LRMDA: variants seen among roughly 807,000 people sequenced by gnomAD.
LRMDA encodes the protein leucine rich melanocyte differentiation associated.
A neutral mutation model predicts 29.8 loss-of-function variants in LRMDA; 18 were observed. The ratio of observed to expected loss-of-function variants is 0.60; its 90% CI spans 0.42 to 0.90. LRMDA has a LOEUF of 0.90. Ranked by LOEUF, LRMDA falls within the 40% of genes least tolerant of loss-of-function variation. The pLI, the probability that LRMDA is intolerant of heterozygous loss-of-function variation, is 0.00. For synonymous variants in LRMDA, 125 were observed against 109.4 expected (o/e 1.14, Z -0.89); for missense variants, 273 against 273.9 (o/e 1.00, Z 0.02).
At chr10:76,089,534 T>C (rs1473094185) in intron 5 of LRMDA, among the ~76,000 whole-genome samples, 1 of 152,156 alleles carries the variant, frequency 6.6e-6, no homozygotes, top group African/African-American at 2.4e-5. Flanking sequence ...CTGTCTGGCG[T>C]TGGACATAAA....
intron 2 of LRMDA, among the ~76,000 whole-genome samples, chr10:75,708,289 T>C (rs753215858): frequency 6.6e-6 from 1 of 152,216 alleles, no homozygotes; most frequent in African/African-American, 2.4e-5. Flanking sequence ...CTGCTCTCTC[T>C]CTCATAACAC....
At chr10:76,523,799 T>C (rs758545727) in intron 6 of LRMDA, among the ~76,000 whole-genome samples, 25 of 152,186 alleles carry the variant, frequency 1.6e-4, no homozygotes, top group Non-Finnish European at 3.5e-4. Context: ...TTTTTGACGT[T>C]CCTTCCCTGC....
intron 5 of LRMDA, among the ~76,000 whole-genome samples, chr10:76,188,935 TACACACACACACACAC>T (rs3998129): frequency 1.4e-5 from 2 of 141,636 alleles, no homozygotes; most frequent in Admixed American, 7.3e-5. Flanking sequence ...TGATTGCATG[TACACACACACACACAC>T]ACACACACAC....
At chr10:76,515,584 C>A (rs1374792028) in intron 6 of LRMDA, among the ~76,000 whole-genome samples, 1 of 152,096 alleles carries the variant, frequency 6.6e-6, no homozygotes, top group African/African-American at 2.4e-5. Flanking sequence ...TGGTTTACTG[C>A]AACCTCTGCC....
intron 6 of LRMDA, among the ~76,000 whole-genome samples, chr10:76,463,105 G>A (rs1353292241): frequency 6.6e-6 from 1 of 152,178 alleles, no homozygotes; most frequent in Non-Finnish European, 1.5e-5. Context: ...GAGGCTCAGG[G>A]ATGGGTAGTG....
intron 2 of LRMDA, among the ~76,000 whole-genome samples, chr10:75,630,977 G>C (rs1045978471): frequency 6.6e-6 from 1 of 152,098 alleles, no homozygotes; most frequent in Non-Finnish European, 1.5e-5. Context: ...TTCCCTCCTC[G>C]TCCCTCATGT....
intron 2 of LRMDA, 39 bp downstream of exon 2, chr10:75,438,533 G>T (rs1355831323): frequency 4.1e-6 from 6 of 1,477,768 alleles, no homozygotes; most frequent in African/African-American, 1.4e-5. Context: ...GGCCTGGGAG[G>T]CCCAGTCCTC....
chr10:76,304,095 G>T (rs1840518806), intron 5 of LRMDA, among the ~76,000 whole-genome samples: 1 of 152,116 alleles, frequency 6.6e-6, no homozygotes, highest in South Asian at 2.1e-4. Context: ...CTGCACTCCT[G>T]GGGGCTTCAT....
chr10:76,200,340 A>G (rs1170014054), intron 5 of LRMDA, among the ~76,000 whole-genome samples: 1 of 152,224 alleles, frequency 6.6e-6, no homozygotes, highest in Non-Finnish European at 1.5e-5. Flanking sequence ...TAGAAACGTT[A>G]GAGAGTGATT....
chr10:75,482,734 C>T (rs891559234), intron 2 of LRMDA, among the ~76,000 whole-genome samples: 1 of 152,108 alleles, frequency 6.6e-6, no homozygotes, highest in Non-Finnish European at 1.5e-5. Context: ...TATAAGGATA[C>T]ATTTTAAGTT....
chr10:75,840,406 A>T (rs1844518306), intron 2 of LRMDA, among the ~76,000 whole-genome samples: 1 of 152,226 alleles, frequency 6.6e-6, no homozygotes, highest in Non-Finnish European at 1.5e-5. Context: ...ATGAATGTTG[A>T]ATTGTGATCT....
chr10:76,032,728 C>T (rs988923468), intron 2 of LRMDA, among the ~76,000 whole-genome samples: 6 of 152,056 alleles, frequency 3.9e-5, no homozygotes, highest in African/African-American at 1.2e-4. Flanking sequence ...ATTAGGTTTC[C>T]AGAACAATCC....
chr10:76,155,039 T>C (rs533629163), intron 5 of LRMDA, among the ~76,000 whole-genome samples: 2 of 152,166 alleles, frequency 1.3e-5, no homozygotes, highest in African/African-American at 4.8e-5. Context: ...TCTTTGCATG[T>C]TCCCATCAAA....
chr10:75,994,551 G>A (rs992438388), intron 2 of LRMDA, among the ~76,000 whole-genome samples: 2 of 152,150 alleles, frequency 1.3e-5, no homozygotes, highest in African/African-American at 2.4e-5. Context: ...CCGGGAGCAG[G>A]AGAGGGAGGC....
At chr10:75,851,450 C>G (rs79688577) in intron 2 of LRMDA, among the ~76,000 whole-genome samples, 1 of 152,144 alleles carries the variant, frequency 6.6e-6, no homozygotes, top group Non-Finnish European at 1.5e-5. Context: ...CATCAACTTG[C>G]AATACCCCTG....
chr10:75,553,717 T>C (rs192758944), intron 2 of LRMDA, among the ~76,000 whole-genome samples: 49 of 152,260 alleles, frequency 3.2e-4, no homozygotes, highest in Admixed American at 2.9e-3. Context: ...AAGCGCACCT[T>C]TTAAGGAGGA....
intron 6 of LRMDA, chr10:76,464,888 G>A (rs12777728): frequency 0.16 from 24,886 of 152,028 alleles, 2,167 homozygotes; most frequent in Admixed American, 0.21. Context: ...CATGTGACAC[G>A]GGAAGACAAT....
intron 2 of LRMDA, among the ~76,000 whole-genome samples, chr10:75,877,441 T>C (rs919222604): frequency 2.0e-5 from 3 of 152,192 alleles, no homozygotes; most frequent in African/African-American, 7.2e-5. Context: ...TAAGGCTCTG[T>C]CTCCAGGTTG....
At position 75,560,317 on chromosome 10, in the gene LRMDA, T is replaced by C. The variant is rs1021559287; in HGVS notation, c.131+121823T>C. ...ACAATTGTGAATGGGAGTTCACTCA[T>C]GATTTGGCTCTCTGTTTGTCTGTTA... On this transcript the variant is annotated intron_variant, in intron 2 of 6. Coordinates refer to ENST00000611255, the MANE Select transcript of LRMDA (RefSeq NM_001305581.2). Among the ~76,000 whole-genome samples the C allele has an allele frequency of 2.6e-5, 4 of 152,158 alleles. No individual in the cohort carries two copies. The East Asian group carries it at 7.8e-4, about 29-fold the overall frequency.
Sources: allele counts gnomAD v4.1 joint callset (sites outside exome capture counted in the v4.1 genomes callset), GRCh38; gene constraint gnomAD v4.1.1; transcripts MANE v1.5; gene names NCBI Gene and HGNC (gene_info 2026-07-23, HGNC 2026-07-21).